PATJ: variants seen among roughly 807,000 people sequenced by gnomAD.
PATJ encodes PATJ crumbs cell polarity complex component.
Under a neutral mutation model 224.9 loss-of-function variants are expected in PATJ, and 190 were observed. The ratio of observed to expected loss-of-function variants is 0.84; its 90% CI spans 0.75 to 0.95. The LOEUF is 0.95. Among genes scored for constraint, PATJ ranks in the 40% least tolerant of loss-of-function variants. The pLI, the probability that PATJ is intolerant of heterozygous loss-of-function variation, is 0.00. For synonymous variants in PATJ, 769 were observed against 820.3 expected (o/e 0.94, Z 1.07); for missense variants, 2,121 against 2,270.3 (o/e 0.93, Z 1.34).
intron 17 of PATJ, among the ~76,000 whole-genome samples, chr1:61,848,178 T>C (rs2799630): frequency 0.97 from 147,234 of 152,214 alleles, 71,434 homozygotes; most frequent in Middle Eastern, 1. Flanking sequence ...TTTCATTTTA[T>C]GTTTGTGAGG....
At chr1:61,825,234 G>C (rs997345552) in intron 15 of PATJ, among the ~76,000 whole-genome samples, 5 of 152,086 alleles carry the variant, frequency 3.3e-5, no homozygotes, top group African/African-American at 1.2e-4. Flanking sequence ...AGGCTATATG[G>C]GCTGGGATAA....
At position 61,863,031 on chromosome 1, in the gene PATJ, T is replaced by TTG. The variant is rs1474701528; in HGVS notation, c.2440-1206_2440-1205insGT. 1.6e-3 allele frequency among the ~76,000 whole-genome samples: 202 copies of TTG among 130,060 alleles called. 8 individuals are homozygous for TTG. Among genetic ancestry groups the TTG allele is most frequent in the Middle Eastern group, 3.8e-3 (1 of 266 alleles). The allele number at this position is 130,060 out of a possible 152,430, so 85.3% of individuals were successfully genotyped here. On this transcript the variant is annotated intron_variant, in intron 19 of 43. Coordinates refer to ENST00000642238, the MANE Select transcript of PATJ (RefSeq NM_001350145.3). Reference sequence around the variant, plus strand: ...AGGGCAGTATTACTGTTTTCAGTTTTTTTTTTTTTTTTTTTTTTTTTTGAG... The same window carrying TTG: ...AGGGCAGTATTACTGTTTTCAGTTTTTGTTTTTTTTTTTTTTTTTTTTTTGAG...
At chr1:61,757,252 T>G (rs1031457875) in intron 1 of PATJ, among the ~76,000 whole-genome samples, 1 of 151,802 alleles carries the variant, frequency 6.6e-6, no homozygotes, top group East Asian at 1.9e-4. Flanking sequence ...TAAAATTTTT[T>G]GTAGAGACTG....
intron 31 of PATJ, among the ~76,000 whole-genome samples, chr1:62,061,781 T>C (rs1043914237): frequency 6.6e-6 from 1 of 152,098 alleles, no homozygotes; most frequent in African/African-American, 2.4e-5. Context: ...TGCCTCAGCC[T>C]CCCGAGTAGC....
At position 62,116,515 on chromosome 1, in the gene PATJ, C is replaced by T. The variant is rs775636093; in HGVS notation, c.4656-17C>T. Reference sequence around the variant, plus strand: ...ATTAGGTTGTGCCAATACTGCACTGCTGTATGGTATTAACAGAAATGGAAG... The same window carrying T: ...ATTAGGTTGTGCCAATACTGCACTGTTGTATGGTATTAACAGAAATGGAAG... On this transcript the variant is annotated splice_polypyrimidine_tract_variant and intron_variant, in intron 35 of 43. Coordinates refer to ENST00000642238, the MANE Select transcript of PATJ (RefSeq NM_001350145.3). 8 of 1,613,300 alleles carry T rather than the reference C, an allele frequency of 5.0e-6. No individual in the cohort carries two copies. The East Asian group carries it at 1.8e-4, about 36-fold the overall frequency.
chr1:61,958,392 A>T (rs1351096750), intron 27 of PATJ, among the ~76,000 whole-genome samples: 1 of 152,190 alleles, frequency 6.6e-6, no homozygotes, highest in Non-Finnish European at 1.5e-5. Flanking sequence ...GGTAGTGGCA[A>T]ATACTAAATT....
intron 41 of PATJ, among the ~76,000 whole-genome samples, chr1:62,141,787 G>C (rs1667531253): frequency 6.6e-6 from 1 of 152,118 alleles, no homozygotes; most frequent in Non-Finnish European, 1.5e-5. Context: ...TGGCCAACGT[G>C]GTGAAACCCC....
At chr1:61,871,500 T>C (rs370448748) in intron 20 of PATJ, among the ~76,000 whole-genome samples, 5,480 of 38,954 alleles carry the variant, frequency 0.14, 213 homozygotes, top group Non-Finnish European at 0.21. Flanking sequence ...TATGTATATA[T>C]ACATATATAC....
At chr1:61,757,826 C>CT (rs943656368) in intron 1 of PATJ, among the ~76,000 whole-genome samples, 24 of 151,862 alleles carry the variant, frequency 1.6e-4, no homozygotes, top group Admixed American at 1.2e-3. Context: ...TTCTAAATCT[C>CT]TTTTTTTTGA....
At chr1:62,084,190 G>T (rs1389157079) in intron 32 of PATJ, among the ~76,000 whole-genome samples, 1 of 152,192 alleles carries the variant, frequency 6.6e-6, no homozygotes, top group Non-Finnish European at 1.5e-5. Flanking sequence ...GGAGGTGGAG[G>T]TTGCAGTGAG....
intron 22 of PATJ, among the ~76,000 whole-genome samples, chr1:61,898,956 T>G (rs959376976): frequency 1.3e-5 from 2 of 152,102 alleles, no homozygotes; most frequent in Non-Finnish European, 2.9e-5. Context: ...ACAGCTGATT[T>G]TTTTTTTGTA....
chr1:61,909,391 AC>A (rs1672297514), intron 25 of PATJ, among the ~76,000 whole-genome samples: 1 of 152,340 alleles, frequency 6.6e-6, no homozygotes, highest in South Asian at 2.1e-4. Flanking sequence ...CAGAAACATC[AC>A]CCTTAAAACT....
At chr1:61,972,603 C>T (rs985873211) in intron 27 of PATJ, among the ~76,000 whole-genome samples, 2 of 151,906 alleles carry the variant, frequency 1.3e-5, no homozygotes, top group South Asian at 4.1e-4. Flanking sequence ...AATTGGTTTG[C>T]GTGTTACTTT....
Position 62,107,634 on chromosome 1 carries a change from TG to T in PATJ, c.4378-800del, listed in dbSNP as rs1663260770. On this transcript the variant is annotated intron_variant, in intron 33 of 43. Coordinates refer to ENST00000642238, the MANE Select transcript of PATJ (RefSeq NM_001350145.3). ...GAGTGGTGATTGATGGGACTGAGTC[TG>T]GGTGGGAAGCAGTCTATTTTTGTGC... Among the ~76,000 whole-genome samples the T allele has an allele frequency of 3.9e-5, 6 of 152,168 alleles. 1 individual carries two copies. In the South Asian group the frequency reaches 1.2e-3, roughly 32 times the overall value.
intron 43 of PATJ, among the ~76,000 whole-genome samples, chr1:62,155,086 C>A (rs563389299): frequency 6.6e-6 from 1 of 152,144 alleles, no homozygotes; most frequent in Non-Finnish European, 1.5e-5. Context: ...GATAATTATT[C>A]TTTGGAGGGC....
At chr1:61,842,406 A>G (rs1162549781) in intron 17 of PATJ, among the ~76,000 whole-genome samples, 5 of 152,294 alleles carry the variant, frequency 3.3e-5, no homozygotes, top group African/African-American at 1.2e-4. Context: ...AGAGAATAAC[A>G]GGCAAGCAGC....
At chr1:61,806,257 G>A (rs1359367677) in intron 13 of PATJ, among the ~76,000 whole-genome samples, 3 of 152,170 alleles carry the variant, frequency 2.0e-5, no homozygotes, top group Admixed American at 2.0e-4. Context: ...GCTGGTTGGA[G>A]ATTTTTAAAA....
chr1:62,039,584 C>T (rs1387243131), intron 30 of PATJ, among the ~76,000 whole-genome samples: 2 of 152,080 alleles, frequency 1.3e-5, no homozygotes, highest in African/African-American at 4.8e-5. Context: ...AGAGAATTAA[C>T]GTGGGGAATG....
intron 42 of PATJ, among the ~76,000 whole-genome samples, chr1:62,150,186 A>G (rs1180895928): frequency 6.6e-6 from 1 of 152,168 alleles, no homozygotes; most frequent in African/African-American, 2.4e-5. Context: ...AGCCTTATTC[A>G]TGAGTCATAA....
Sources: gnomAD v4.1 joint callset for allele counts (sites outside exome capture counted in the v4.1 genomes callset) on GRCh38, gnomAD v4.1.1 for gene constraint, MANE v1.5 for transcripts, NCBI Gene and HGNC (gene_info 2026-07-23, HGNC 2026-07-21) for gene names.